The following COMMD1 variants were observed in gnomAD, a reference collection of about 807,000 sequenced individuals.
COMMD1 encodes the protein copper metabolism domain containing 1, also known as COMM domain-containing protein 1.
In COMMD1, 10 loss-of-function variants were observed where a neutral mutation model predicts 17.2. That is an observed-to-expected ratio of 0.58 (90% confidence interval 0.36 to 0.99). The LOEUF is 0.99. Among genes scored for constraint, COMMD1 ranks in the 50% least tolerant of loss-of-function variants. The probability of loss-of-function intolerance (pLI) is 0.01; values close to 1 mark genes in which losing one functional copy is unlikely to be tolerated. For missense variants in COMMD1, 270 were observed against 231.8 expected (o/e 1.17, Z -1.07); for synonymous variants, 97 against 91.6 (o/e 1.06, Z -0.34).
intron 1 of COMMD1, among the ~76,000 whole-genome samples, chr2:61,995,026 C>A (rs552765113): frequency 6.6e-6 from 1 of 152,322 alleles, no homozygotes; most frequent in South Asian, 2.1e-4. Context: ...CTCTCCTAGG[C>A]TCCATTGCCC....
chr2:62,042,982 A>G (rs1055805908), intron 2 of COMMD1, among the ~76,000 whole-genome samples: 1 of 152,242 alleles, frequency 6.6e-6, no homozygotes, highest in Non-Finnish European at 1.5e-5. Flanking sequence ...GTGACGTTTT[A>G]AACAGTTGAG....
chr2:61,995,636 T>C (rs1230791507), intron 1 of COMMD1, among the ~76,000 whole-genome samples: 1 of 152,194 alleles, frequency 6.6e-6, no homozygotes, highest in Non-Finnish European at 1.5e-5. Flanking sequence ...TCAGTGGTAG[T>C]GATACCGAGT....
At chr2:62,108,053 C>T (rs1448646814) in intron 2 of COMMD1, among the ~76,000 whole-genome samples, 1 of 152,154 alleles carries the variant, frequency 6.6e-6, no homozygotes, top group Non-Finnish European at 1.5e-5. Context: ...AGTATTTTTG[C>T]ATATCATGTT....
chr2:62,101,907 T>C (rs1672191744), intron 2 of COMMD1, among the ~76,000 whole-genome samples: 1 of 152,138 alleles, frequency 6.6e-6, no homozygotes, highest in Non-Finnish European at 1.5e-5. Flanking sequence ...ATTAAATCAT[T>C]GGCCATTGGT....
At chr2:62,016,206 CTT>C (rs769583167) in intron 2 of COMMD1, among the ~76,000 whole-genome samples, 4 of 112,234 alleles carry the variant, frequency 3.6e-5, no homozygotes, top group Non-Finnish European at 3.7e-5. Context: ...CTTTTCTTTT[CTT>C]TTTTTTTTTT....
intron 1 of COMMD1, among the ~76,000 whole-genome samples, chr2:61,892,518 C>A (rs142351894): frequency 0.018 from 2,745 of 151,874 alleles, 81 homozygotes; most frequent in African/African-American, 0.063. Flanking sequence ...CACGGTGAAA[C>A]CCTGTCTCTA....
intron 1 of COMMD1, among the ~76,000 whole-genome samples, chr2:61,937,790 T>A (rs1053841132): frequency 2.0e-5 from 3 of 152,138 alleles, no homozygotes; most frequent in African/African-American, 7.2e-5. Context: ...TCTGTACAAC[T>A]CATAACTGGG....
intron 1 of COMMD1, chr2:61,918,589 G>A (rs1670106816): frequency 2.0e-5 from 3 of 152,170 alleles, no homozygotes; most frequent in Admixed American, 2.0e-4. Flanking sequence ...TCTGGGCCTG[G>A]AAACTTGACT....
intron 1 of COMMD1, among the ~76,000 whole-genome samples, chr2:61,984,020 T>TTTG (rs1364122373): frequency 1.3e-5 from 2 of 152,158 alleles, no homozygotes; most frequent in Non-Finnish European, 1.5e-5. Context: ...TAGGTTTTGG[T>TTTG]TTGTTGTTGT....
chr2:61,914,798 C>G (rs1246571759), intron 1 of COMMD1, among the ~76,000 whole-genome samples: 1 of 151,074 alleles, frequency 6.6e-6, no homozygotes, highest in Non-Finnish European at 1.5e-5. Flanking sequence ...TCAAGCGATT[C>G]TCGTGTCTCA....
chr2:62,125,334 G>A (rs545478453), intron 2 of COMMD1, among the ~76,000 whole-genome samples: 1 of 152,166 alleles, frequency 6.6e-6, no homozygotes, highest in Admixed American at 6.6e-5. Flanking sequence ...CACGATATGG[G>A]TATCTATTGA....
intron 1 of COMMD1, among the ~76,000 whole-genome samples, chr2:61,996,880 A>T (rs1031552300): frequency 2.0e-5 from 3 of 152,254 alleles, no homozygotes; most frequent in Admixed American, 1.3e-4. Flanking sequence ...GATGGAATCA[A>T]CTTCTTCCAA....
chr2:61,914,561 G>A (rs1006789391), intron 1 of COMMD1, among the ~76,000 whole-genome samples: 1 of 151,986 alleles, frequency 6.6e-6, no homozygotes, highest in Non-Finnish European at 1.5e-5. Flanking sequence ...CGACAGACGG[G>A]ACTCTGTCTC....
chr2:62,035,275 T>G lies in COMMD1; in HGVS notation c.462+34293T>G, dbSNP rs371230828. 2.6e-5 allele frequency among the ~76,000 whole-genome samples: 4 copies of G among 152,252 alleles called. No homozygotes were observed. The East Asian group carries it at 7.7e-4, about 29-fold the overall frequency. Reference sequence around the variant, plus strand: ...TTTTCACAATATACTTATTTTCCCTTTATTCCAATACATATTTATTAGGCT... The same window carrying G: ...TTTTCACAATATACTTATTTTCCCTGTATTCCAATACATATTTATTAGGCT... On this transcript the variant is annotated intron_variant, in intron 2 of 2. Coordinates refer to ENST00000311832, the MANE Select transcript of COMMD1 (RefSeq NM_152516.4).
chr2:61,899,071 C>T (rs912083755), intron 1 of COMMD1, among the ~76,000 whole-genome samples: 2 of 152,010 alleles, frequency 1.3e-5, no homozygotes. Flanking sequence ...CTCAGGCAGG[C>T]AGTAATATGT....
In COMMD1 at chr2:62,019,301, G is replaced by A. The variant is rs530093783; in HGVS notation, c.462+18319G>A. Among the ~76,000 whole-genome samples, 274 of 151,930 alleles carry A rather than the reference G, an allele frequency of 1.8e-3. 1 individual carries two copies. Among genetic ancestry groups the A allele is most frequent in the Non-Finnish European group, 3.4e-3 (228 of 67,958 alleles). ...CAATTCTTCTGCCTCAGTCTCCCAA[G>A]TACCTGGGATTACAGGCACCCACCG... On this transcript the variant is annotated intron_variant, in intron 2 of 2. Coordinates refer to ENST00000311832, the MANE Select transcript of COMMD1 (RefSeq NM_152516.4).
chr2:62,062,907 CA>C (rs1235157759), intron 2 of COMMD1, among the ~76,000 whole-genome samples: 3 of 143,394 alleles, frequency 2.1e-5, no homozygotes, highest in African/African-American at 7.7e-5. Flanking sequence ...CTGTCTCTAC[CA>C]AAAAAAAAAC....
At chr2:62,063,766 A>G (rs1670942092) in intron 2 of COMMD1, among the ~76,000 whole-genome samples, 1 of 150,152 alleles carries the variant, frequency 6.7e-6, no homozygotes, top group Admixed American at 6.6e-5. Context: ...TAGTGATTAT[A>G]TTTTCATTTC....
chr2:62,034,309 C>T (rs1669987119), intron 2 of COMMD1, among the ~76,000 whole-genome samples: 1 of 151,896 alleles, frequency 6.6e-6, no homozygotes, highest in South Asian at 2.1e-4. Flanking sequence ...CGAGATCAGC[C>T]TGGCCAAGTT....
Sources: allele counts gnomAD v4.1 joint callset (sites outside exome capture counted in the v4.1 genomes callset), GRCh38; gene constraint gnomAD v4.1.1; transcripts MANE v1.5; gene names NCBI Gene and HGNC (gene_info 2026-07-23, HGNC 2026-07-21).